Variants in TNIP1 observed in about 807,000 individuals in gnomAD.
TNIP1 encodes TNFAIP3 interacting protein 1.
TNIP1 carries 22 observed loss-of-function variants against 86.6 expected under a neutral mutation model. The ratio of observed to expected loss-of-function variants is 0.25; its 90% confidence interval spans 0.18 to 0.36. The LOEUF is 0.36. Among genes scored for constraint, TNIP1 ranks in the 10% least tolerant of loss-of-function variants. TNIP1 has a pLI of 1.00. For synonymous variants in TNIP1, 294 were observed against 313.0 expected, an observed-to-expected ratio of 0.94 and a Z score of 0.64; for missense variants, 709 against 820.6, an observed-to-expected ratio of 0.86 and a Z score of 1.66.
intron 14 of TNIP1, 55 bp downstream of exon 14, chr5:151,035,527 C>G: frequency 1.2e-6 from 2 of 1,612,940 alleles, no homozygotes; most frequent in Non-Finnish European, 1.7e-6. Flanking sequence ...CAATCCATGC[C>G]CCCTCTCCCC....
At position 151,049,002 on chromosome 5, in the gene TNIP1, A is replaced by G. The variant is rs1759543589; in HGVS notation, c.846+822T>C. ...TCCCAGCCTTGCCTACTCTATAGGT[A>G]GAGATGAGGCCCAAATAAGAAAATA... On this transcript the variant is annotated intron_variant, in intron 8 of 17. Transcript: ENST00000521591. 2.0e-5 allele frequency among the ~76,000 whole-genome samples: 3 copies of G among 152,198 alleles called. No individual in the cohort carries two copies. In the South Asian group the frequency reaches 6.2e-4, roughly 32 times the overall value.
chr5:151,042,451 T>C, intron 11 of TNIP1, 89 bp downstream of exon 11: 1 of 1,545,076 alleles, frequency 6.5e-7, no homozygotes, highest in Non-Finnish European at 8.7e-7. Context: ...CCGGGTCTCC[T>C]GACTCCTGCC....
chr5:151,053,307 A>G (rs1308305604), intron 6 of TNIP1, among the ~76,000 whole-genome samples: 2 of 151,706 alleles, frequency 1.3e-5, no homozygotes, highest in East Asian at 1.9e-4. Flanking sequence ...ACGGGGTTTC[A>G]CCATGTTGGC....
In TNIP1 at chr5:151,048,366, T is replaced by C. The variant is rs143230203; in HGVS notation, c.846+1458A>G. Among the ~76,000 whole-genome samples, 490 of 150,626 alleles carry C rather than the reference T, an allele frequency of 3.3e-3. 1 individual carries two copies. The highest frequency in any genetic ancestry group is 5.8e-3 in the South Asian group (27 of 4,686). ...ACTTTACAAGCATTGCATCACTGAA[T>C]CCTCACAACCACCCCTTGAGGCAGG... is the stretch of plus-strand genomic sequence containing the variant. On this transcript the variant is annotated intron_variant, in intron 8 of 17. Transcript: ENST00000521591.
chr5:151,077,973 T>C (rs1035480856), intron 1 of TNIP1, among the ~76,000 whole-genome samples: 2 of 152,176 alleles, frequency 1.3e-5, no homozygotes, highest in Non-Finnish European at 2.9e-5. Flanking sequence ...ACTCTGCACT[T>C]TGTCATTTTT....
Position 151,036,925 on chromosome 5 carries a change from G to C in TNIP1, c.1264-4C>G, listed in dbSNP as rs1757783338. On this transcript the variant is annotated splice_polypyrimidine_tract_variant and splice_region_variant and intron_variant, in intron 12 of 17. Transcript: ENST00000521591. ...TGCTCAGTGCTTCCTCCAGGGCCTGGAATCAGGAAAAGATGGGACCATCAG... is the reference window on the plus strand; with the variant it reads ...TGCTCAGTGCTTCCTCCAGGGCCTGCAATCAGGAAAAGATGGGACCATCAG... 6.3e-7 allele frequency: 1 copy of C among 1,595,966 alleles called. No homozygotes were observed. Among genetic ancestry groups the C allele is most frequent in the African/African-American group, 1.4e-5 (1 of 73,904 alleles).
chr5:151,085,019 T>A (rs747817236), upstream of TNIP1, among the ~76,000 whole-genome samples: 1 of 152,212 alleles, frequency 6.6e-6, no homozygotes, highest in Non-Finnish European at 1.5e-5. Flanking sequence ...ACATTTTTAA[T>A]TCTCTCTATC....
intron 9 of TNIP1, among the ~76,000 whole-genome samples, chr5:151,043,646 G>A (rs1386814868): frequency 1.3e-5 from 2 of 151,956 alleles, no homozygotes; most frequent in Non-Finnish European, 2.9e-5. Context: ...ATGGTGGCAC[G>A]CATCTATAGT....
intron 2 of TNIP1, among the ~76,000 whole-genome samples, chr5:151,064,106 G>A (rs1031532081): frequency 2.0e-5 from 3 of 152,198 alleles, no homozygotes; most frequent in Admixed American, 2.0e-4. Flanking sequence ...GCTACCCACA[G>A]CCTGAGCCAC....
chr5:151,048,360 A>G (rs1260142167), intron 8 of TNIP1, among the ~76,000 whole-genome samples: 1 of 151,784 alleles, frequency 6.6e-6, no homozygotes. Context: ...GCATTGCATC[A>G]CTGAATCCTC....
At chr5:151,084,540 G>A (rs1266891107), upstream of TNIP1, among the ~76,000 whole-genome samples, 7 of 152,064 alleles carry the variant, frequency 4.6e-5, no homozygotes, top group South Asian at 2.1e-4. Context: ...AGGGACTTGC[G>A]GGAGGTCTTA....
chr5:151,042,699 T>C (rs765901847), intron 10 of TNIP1, 28 bp from the exon 11 acceptor site: 22 of 1,613,316 alleles, frequency 1.4e-5, no homozygotes, highest in Non-Finnish European at 1.9e-5. Context: ...GAGGAGTGTG[T>C]GAGGCAAGGA....
chr5:151,035,146 C>T, intron 14 of TNIP1, 79 bp from the exon 15 acceptor site: 1 of 1,489,648 alleles, frequency 6.7e-7, no homozygotes, highest in Non-Finnish European at 9.2e-7. Flanking sequence ...CCTAACCAGC[C>T]ACGAGGACTG....
chr5:151,061,897 G>T (rs1452840351), intron 4 of TNIP1, among the ~76,000 whole-genome samples: 1 of 152,230 alleles, frequency 6.6e-6, no homozygotes, highest in Non-Finnish European at 1.5e-5. Context: ...TAAGTGAGAA[G>T]AATTCCTTGT....
At chr5:151,049,152 A>G (rs778510603) in intron 8 of TNIP1, among the ~76,000 whole-genome samples, 6 of 152,212 alleles carry the variant, frequency 3.9e-5, no homozygotes, top group Non-Finnish European at 7.3e-5. Flanking sequence ...CTGTTCAGCT[A>G]TTAAACCCCA....
chr5:151,069,848 C>T (rs1762641161), intron 1 of TNIP1, among the ~76,000 whole-genome samples: 1 of 152,184 alleles, frequency 6.6e-6, no homozygotes, highest in Non-Finnish European at 1.5e-5. Flanking sequence ...CACACAGAAA[C>T]CGGGTGATGG....
chr5:151,059,750 G>A (rs1412828163), intron 5 of TNIP1, among the ~76,000 whole-genome samples: 1 of 147,556 alleles, frequency 6.8e-6, no homozygotes, highest in Non-Finnish European at 1.5e-5. Flanking sequence ...TGAGGATGCT[G>A]GGCAGACGCT....
At chr5:151,077,501 T>A (rs961704748) in intron 1 of TNIP1, among the ~76,000 whole-genome samples, 15 of 152,144 alleles carry the variant, frequency 9.9e-5, no homozygotes, top group African/African-American at 3.6e-4. Context: ...CCACACACTA[T>A]CCCATTAATT....
At chr5:151,061,064 G>A (rs558080214) in intron 4 of TNIP1, among the ~76,000 whole-genome samples, 21 of 152,194 alleles carry the variant, frequency 1.4e-4, no homozygotes, top group Non-Finnish European at 2.4e-4. Flanking sequence ...CCAAATCCAC[G>A]GTGGCCAAGA....
Sources: allele counts gnomAD v4.1 joint callset (sites outside exome capture counted in the v4.1 genomes callset), GRCh38; gene constraint gnomAD v4.1.1; transcripts MANE v1.5; gene names NCBI Gene and HGNC (gene_info 2026-07-23, HGNC 2026-07-21).